DLGAP2: variants seen among roughly 807,000 people sequenced by gnomAD.
DLGAP2 encodes the protein disks large-associated protein 2.
Under a neutral mutation model 100.3 loss-of-function variants are expected in DLGAP2, and 26 were observed. That is an observed-to-expected ratio of 0.26 (90% CI 0.19 to 0.36). DLGAP2 has a LOEUF of 0.36. Ranked by LOEUF, DLGAP2 falls within the 10% of genes least tolerant of loss-of-function variation. The pLI is 1.00. For missense variants in DLGAP2, 1,858 were observed against 1,453.2 expected (o/e 1.28, Z -4.53); for synonymous variants, 886 against 630.1 (o/e 1.41, Z -6.08).
intron 4 of DLGAP2, among the ~76,000 whole-genome samples, chr8:1,530,375 G>T (rs1470638120): frequency 6.6e-6 from 1 of 152,132 alleles, no homozygotes; most frequent in Non-Finnish European, 1.5e-5. Context: ...GCTCACCGGT[G>T]GTCAGAGTTT....
At chr8:1,003,883 C>A (rs1285659828) in intron 2 of DLGAP2, among the ~76,000 whole-genome samples, 1 of 152,180 alleles carries the variant, frequency 6.6e-6, no homozygotes, top group Admixed American at 6.5e-5. Context: ...GCCATACAGA[C>A]ATTTCTTACT....
At chr8:1,332,485 G>C (rs193262534) in intron 3 of DLGAP2, among the ~76,000 whole-genome samples, 1 of 151,944 alleles carries the variant, frequency 6.6e-6, no homozygotes, top group Non-Finnish European at 1.5e-5. Flanking sequence ...GTGTGTGAGC[G>C]TAGATACATC....
At chr8:1,206,176 G>A (rs1453831818) in intron 2 of DLGAP2, among the ~76,000 whole-genome samples, 1 of 152,206 alleles carries the variant, frequency 6.6e-6, no homozygotes. Flanking sequence ...GCTGTGAGAA[G>A]GGTAGGTACA....
intron 12 of DLGAP2, among the ~76,000 whole-genome samples, chr8:1,685,985 G>T (rs569940861): frequency 1.3e-5 from 2 of 152,320 alleles, no homozygotes; most frequent in African/African-American, 4.8e-5. Flanking sequence ...GTTGGAATAT[G>T]AAGTAGCCAC....
At chr8:1,045,877 T>A (rs1249973920) in intron 2 of DLGAP2, among the ~76,000 whole-genome samples, 1 of 152,190 alleles carries the variant, frequency 6.6e-6, no homozygotes, top group Non-Finnish European at 1.5e-5. Context: ...TGCTCAGATG[T>A]CTGCACAAGG....
chr8:1,507,779 A>G (rs1214131718), intron 4 of DLGAP2, among the ~76,000 whole-genome samples: 1 of 150,508 alleles, frequency 6.6e-6, no homozygotes, highest in African/African-American at 2.5e-5. Flanking sequence ...TCCTTCACCC[A>G]CGACCCTCCT....
At chr8:1,281,581 G>A (rs926571248) in intron 3 of DLGAP2, among the ~76,000 whole-genome samples, 1 of 152,176 alleles carries the variant, frequency 6.6e-6, no homozygotes, top group South Asian at 2.1e-4. Flanking sequence ...ACCCAGGGTT[G>A]ACCAGTTTTG....
At chr8:790,190 T>A (rs1412740349) in intron 1 of DLGAP2, among the ~76,000 whole-genome samples, 1 of 152,064 alleles carries the variant, frequency 6.6e-6, no homozygotes, top group Admixed American at 6.6e-5. Context: ...GAGGAGGATT[T>A]TGACAGGAAC....
At chr8:1,381,847 G>C (rs991453652) in intron 3 of DLGAP2, among the ~76,000 whole-genome samples, 3 of 150,996 alleles carry the variant, frequency 2.0e-5, no homozygotes, top group African/African-American at 7.3e-5. Flanking sequence ...TTCAAAGTGA[G>C]CGTAGCCATT....
At chr8:1,255,806 G>A (rs1341892638) in intron 2 of DLGAP2, among the ~76,000 whole-genome samples, 7 of 133,630 alleles carry the variant, frequency 5.2e-5, no homozygotes, top group Non-Finnish European at 9.5e-5. Flanking sequence ...TGGGTGCTAT[G>A]TGTGTGTCTT....
chr8:1,580,236 G>A (rs77902018), intron 6 of DLGAP2, among the ~76,000 whole-genome samples: 1,975 of 152,288 alleles, frequency 0.013, 38 homozygotes, highest in African/African-American at 0.037. Context: ...ATCAAGCAGC[G>A]GCACAGTGGG....
At chr8:871,066 C>T (rs1307219096) in intron 1 of DLGAP2, among the ~76,000 whole-genome samples, 1 of 152,190 alleles carries the variant, frequency 6.6e-6, no homozygotes, top group Middle Eastern at 3.2e-3. Context: ...TGTTCTGTGG[C>T]AGTGCGCACT....
At chr8:1,282,701 G>A (rs1482537074) in intron 3 of DLGAP2, among the ~76,000 whole-genome samples, 18 of 122,032 alleles carry the variant, frequency 1.5e-4, no homozygotes, top group African/African-American at 2.8e-4. Flanking sequence ...CCATCCAGAC[G>A]TGGTGTGACC....
chr8:998,184 A>G (rs1482878647), intron 2 of DLGAP2, among the ~76,000 whole-genome samples: 3 of 152,266 alleles, frequency 2.0e-5, no homozygotes, highest in Non-Finnish European at 2.9e-5. Context: ...ACAAATGTGC[A>G]TGCACACATA....
intron 2 of DLGAP2, among the ~76,000 whole-genome samples, chr8:1,116,319 C>T (rs534961015): frequency 4.6e-5 from 7 of 152,324 alleles, no homozygotes; most frequent in Non-Finnish European, 1.0e-4. Flanking sequence ...GTGTCTCAGC[C>T]ACAGCCTGGA....
chr8:1,677,229 C>T (rs893259014), intron 11 of DLGAP2, among the ~76,000 whole-genome samples: 1 of 152,104 alleles, frequency 6.6e-6, no homozygotes, highest in Non-Finnish European at 1.5e-5. Context: ...CATCAGGGAG[C>T]GTTTTAGCAC....
chr8:1,534,730 T>C (rs1801096469), intron 4 of DLGAP2, among the ~76,000 whole-genome samples: 1 of 152,234 alleles, frequency 6.6e-6, no homozygotes, highest in Non-Finnish European at 1.5e-5. Context: ...TGGTCAAAGA[T>C]TAATCACAAG....
rs541426323 is a variant in DLGAP2, at chr8:1,257,410, C to T, written c.74-1441C>T. Among the ~76,000 whole-genome samples the T allele has an allele frequency of 3.3e-5, 5 of 152,258 alleles. No homozygotes were observed. In the South Asian group the frequency reaches 6.2e-4, roughly 19 times the overall value. ...GTTCCGCTCCCTCCTGAACGCCCTC[C>T]GCTCACCTCTCTGCCTGCCCCTCCA... On this transcript the variant is annotated intron_variant, in intron 2 of 14. Transcript: ENST00000637795.
chr8:746,116 C>T (rs990677226), intron 1 of DLGAP2, among the ~76,000 whole-genome samples: 1 of 152,226 alleles, frequency 6.6e-6, no homozygotes, highest in Non-Finnish European at 1.5e-5. Context: ...GGGGGTGCGT[C>T]GCTGCTTTCC....
Sources: allele counts gnomAD v4.1 joint callset (sites outside exome capture counted in the v4.1 genomes callset), GRCh38; gene constraint gnomAD v4.1.1; transcripts MANE v1.5; gene names NCBI Gene and HGNC (gene_info 2026-07-23, HGNC 2026-07-21).